MPP7: variants seen among roughly 807,000 people sequenced by gnomAD.
The protein encoded by MPP7 is MAGUK p55 subfamily member 7.
A neutral mutation model predicts 76.5 loss-of-function variants in MPP7; 60 were observed. The ratio of observed to expected loss-of-function variants is 0.78; its 90% CI spans 0.64 to 0.97. The LOEUF (loss-of-function observed/expected upper bound fraction) is 0.97, where lower values mean the gene tolerates loss of function less well. MPP7 is among the 50% of genes least tolerant of loss of function. The probability of loss-of-function intolerance (pLI) is 0.00; values close to 1 mark genes in which losing one functional copy is unlikely to be tolerated. For missense variants in MPP7, 641 were observed against 694.0 expected, an observed-to-expected ratio of 0.92 and a Z score of 0.86; for synonymous variants, 237 against 244.5, an observed-to-expected ratio of 0.97 and a Z score of 0.29.
At position 28,325,126 on chromosome 10, in the gene MPP7, T is replaced by A. The variant is rs527566626; in HGVS notation, c.-132+4803A>T. Among the ~76,000 whole-genome samples, 5 of 152,142 alleles carry A rather than the reference T, an allele frequency of 3.3e-5. No homozygotes were observed. The South Asian group carries it at 1.0e-3, about 32-fold the overall frequency. On this transcript the variant is annotated intron_variant, in intron 2 of 11. Coordinates refer to the MPP7 transcript ENST00000441595. ...CCAGGCTGGTCTTGAACTCCTGAGC[T>A]CAAGTGATCCTCCTGCCTTGGCCTC...
At position 28,058,567 on chromosome 10, in the gene MPP7, G is replaced by A. The variant is rs772365190; in HGVS notation, c.1335C>T (p.Tyr445=). Residue 445 remains tyrosine, a synonymous_variant, in exon 15 of 17, where the codon TAC becomes TAT. Transcript: ENST00000683449. The part of the protein sequence containing the change: ...IEYGEYKNNY[Y]GTSIDSVRSV... Reference sequence around the variant, plus strand: ...ACCGAACTGAGTCTATACTTGTGCCGTAGTAGTTGTTTTTATATTCTCCAT... The same window carrying A: ...ACCGAACTGAGTCTATACTTGTGCCATAGTAGTTGTTTTTATATTCTCCAT... 23 of 1,599,478 alleles carry A rather than the reference G, an allele frequency of 1.4e-5. No individual in the cohort carries two copies. Among genetic ancestry groups the A allele is most frequent in the Middle Eastern group, 1.7e-4 (1 of 5,980 alleles).
intron 1 of MPP7, among the ~76,000 whole-genome samples, chr10:28,249,681 C>T (rs1470527842): frequency 6.6e-6 from 1 of 152,224 alleles, no homozygotes; most frequent in Admixed American, 6.5e-5. Context: ...AGCTTGCCGG[C>T]TGCCCACTCT....
Position 28,124,117 on chromosome 10 carries a change from C to G in MPP7, c.530-1G>C. The G allele has an allele frequency of 6.2e-7, 1 of 1,601,272 alleles. No homozygotes were observed. Among genetic ancestry groups the G allele is most frequent in the Non-Finnish European group, 8.6e-7 (1 of 1,168,648 alleles). On this transcript the variant is annotated splice_acceptor_variant, in intron 7 of 16. Coordinates refer to ENST00000683449, the MANE Select transcript of MPP7 (RefSeq NM_001318170.2). LOFTEE classifies it high-confidence loss of function. ...AGTTCATCACCAACATGAATAAGAC[C>G]TGAGAAATAGGAGATTTGGTAAATT...
intron 6 of MPP7, among the ~76,000 whole-genome samples, chr10:28,127,223 C>G (rs1293344713): frequency 6.6e-6 from 1 of 152,126 alleles, no homozygotes; most frequent in Non-Finnish European, 1.5e-5. Context: ...ATTCTGTATT[C>G]AATGAAGTTG....
chr10:28,249,952 T>C (rs1839560636), intron 1 of MPP7, among the ~76,000 whole-genome samples: 1 of 152,088 alleles, frequency 6.6e-6, no homozygotes. Flanking sequence ...AAAAGTGTCC[T>C]TTTCAACATT....
At chr10:28,282,749 CG>C (rs1442352325) in intron 1 of MPP7, among the ~76,000 whole-genome samples, 4 of 151,914 alleles carry the variant, frequency 2.6e-5, no homozygotes, top group Non-Finnish European at 4.4e-5. Context: ...TTACACTGTT[CG>C]GATCTGTGTT....
At chr10:28,220,277 G>A (rs1013665416) in intron 2 of MPP7, among the ~76,000 whole-genome samples, 3 of 151,976 alleles carry the variant, frequency 2.0e-5, no homozygotes, top group African/African-American at 7.3e-5. Context: ...TAAATACGAT[G>A]GTAGTTTGAT....
intron 2 of MPP7, among the ~76,000 whole-genome samples, chr10:28,210,949 G>A (rs1352328093): frequency 6.6e-6 from 1 of 152,088 alleles, no homozygotes; most frequent in South Asian, 2.1e-4. Flanking sequence ...TATACTAGAC[G>A]ATAAGTACAT....
chr10:28,141,089 T>A (rs1258172766), intron 5 of MPP7, among the ~76,000 whole-genome samples: 3 of 152,072 alleles, frequency 2.0e-5, no homozygotes, highest in Non-Finnish European at 4.4e-5. Flanking sequence ...GAATTTAATG[T>A]TTTATCACAT....
intron 3 of MPP7, among the ~76,000 whole-genome samples, chr10:28,167,234 C>T (rs560273117): frequency 4.1e-4 from 62 of 151,966 alleles, no homozygotes; most frequent in African/African-American, 1.5e-3. Context: ...TCACTTGAAC[C>T]CAGGAGGTGG....
intron 3 of MPP7, among the ~76,000 whole-genome samples, chr10:28,199,081 G>A (rs1363953011): frequency 1.3e-5 from 2 of 152,144 alleles, no homozygotes; most frequent in Non-Finnish European, 2.9e-5. Context: ...GTAAGCAAGA[G>A]AGGATGAGAG....
intron 11 of MPP7, among the ~76,000 whole-genome samples, chr10:28,098,636 G>A (rs180993089): frequency 5.9e-5 from 9 of 151,908 alleles, no homozygotes; most frequent in African/African-American, 2.2e-4. Flanking sequence ...ATCCGTATTG[G>A]CAGATGTAGT....
chr10:28,059,107 A>G (rs1851677590), intron 14 of MPP7, among the ~76,000 whole-genome samples: 1 of 152,228 alleles, frequency 6.6e-6, no homozygotes, highest in Non-Finnish European at 1.5e-5. Flanking sequence ...ATCCTGCATT[A>G]AAACACATAT....
chr10:28,214,054 A>G (rs1838233051), intron 2 of MPP7, among the ~76,000 whole-genome samples: 1 of 152,204 alleles, frequency 6.6e-6, no homozygotes, highest in Admixed American at 6.5e-5. Context: ...AAAAACCAAA[A>G]GGAACAGGAG....
rs145776443 is a variant in MPP7, at chr10:28,206,106, G to A, written c.38-3835C>T. On this transcript the variant is annotated intron_variant, in intron 2 of 16. Transcript: ENST00000683449. ...CTGTTCATTACAAATTGCCTAGTCTGTGGTATTCTGTTATAGCAGTACAAA... is the reference window on the plus strand; with the variant it reads ...CTGTTCATTACAAATTGCCTAGTCTATGGTATTCTGTTATAGCAGTACAAA... Among the ~76,000 whole-genome samples, 124 of 152,308 alleles carry A rather than the reference G, an allele frequency of 8.1e-4. 1 individual carries two copies. The highest frequency in any genetic ancestry group is 2.7e-3 in the African/African-American group (114 of 41,572).
At chr10:28,102,396 C>G (rs770619302) in intron 11 of MPP7, among the ~76,000 whole-genome samples, 8 of 152,166 alleles carry the variant, frequency 5.3e-5, no homozygotes, top group African/African-American at 9.7e-5. Context: ...AAACCTCTTT[C>G]ATTAATAAAC....
intron 2 of MPP7, among the ~76,000 whole-genome samples, chr10:28,235,834 C>CA (rs1839055940): frequency 6.6e-6 from 1 of 152,102 alleles, no homozygotes; most frequent in Non-Finnish European, 1.5e-5. Flanking sequence ...ATAAGAAGGA[C>CA]AAATGACTGA....
chr10:28,096,531 G>A (rs1853577932), intron 11 of MPP7, among the ~76,000 whole-genome samples: 1 of 152,076 alleles, frequency 6.6e-6, no homozygotes, highest in Admixed American at 6.6e-5. Context: ...TTTCAATAAG[G>A]TCACGAGCCC....
At chr10:28,062,704 A>T (rs1254769961) in intron 13 of MPP7, among the ~76,000 whole-genome samples, 1 of 152,162 alleles carries the variant, frequency 6.6e-6, no homozygotes, top group Non-Finnish European at 1.5e-5. Flanking sequence ...GACACCATTC[A>T]CAACAGTCTC....
Sources: gnomAD v4.1 joint callset for allele counts (sites outside exome capture counted in the v4.1 genomes callset) on GRCh38, gnomAD v4.1.1 for gene constraint, MANE v1.5 for transcripts, NCBI Gene and HGNC (gene_info 2026-07-23, HGNC 2026-07-21) for gene names.